The following GAPDH variants were observed in gnomAD, a reference collection of about 807,000 sequenced individuals.
GAPDH encodes the protein OCAS, p38 component.
In GAPDH, 13 loss-of-function variants were observed where a neutral mutation model predicts 31.2. That is an observed-to-expected ratio of 0.42 (90% CI 0.27 to 0.66). GAPDH has a LOEUF of 0.66. Among genes scored for constraint, GAPDH ranks in the 30% least tolerant of loss-of-function variants. The pLI is 0.26. For missense variants in GAPDH, 300 were observed against 443.7 expected (o/e 0.68, Z 2.91); for synonymous variants, 211 against 166.9 (o/e 1.26, Z -2.04).
At chr12:6,535,062 C>T in intron 2 of GAPDH, 1 of 787,372 alleles carries the variant, frequency 1.3e-6, no homozygotes, top group Non-Finnish European at 1.9e-6. Flanking sequence ...CCTTGCGGCG[C>T]CATCTGCCCG....
Position 6,537,305 on chromosome 12 carries a change from G to T in GAPDH, c.444-4G>T. 1.3e-6 allele frequency: 2 copies of T among 1,598,650 alleles called. No homozygotes were observed. On this transcript the variant is annotated splice_polypyrimidine_tract_variant and splice_region_variant and intron_variant, in intron 6 of 8. Coordinates refer to ENST00000229239, the MANE Select transcript of GAPDH (RefSeq NM_002046.7). This position sits in a 1 kb window ranked among gnomAD's most constrained non-coding sequence, Gnocchi z 4.9. ...CTTGCGCCCCGCTCCCTCTTTCTTT[G>T]CAGCAATGCCTCCTGCACCACCAAC...
rs774700281 is a variant in GAPDH, at chr12:6,537,166, C to T, written c.393C>T (p.Phe131=). ...ISAPSADAPM[F]VMGVNHEKYD... ...CCCCCTCTGCTGATGCCCCCATGTT[C>T]GTCATGGGTGTGAACCATGAGAAGT... is the stretch of plus-strand genomic sequence containing the variant. Residue 131 remains phenylalanine, a synonymous_variant, in exon 6 of 9, where the codon TTC becomes TTT. Transcript: ENST00000229239. The surrounding 1 kb of genome is among the most constrained non-coding windows in gnomAD (Gnocchi z 4.9). 7.4e-6 allele frequency: 12 copies of T among 1,613,472 alleles called. No homozygotes were observed. In the South Asian group the frequency reaches 7.7e-5, roughly 10 times the overall value.
rs1421078512 is a variant in GAPDH at position 6,535,388 on chromosome 12, C to CG, written c.29+528dup. The CG allele has an allele frequency of 3.0e-6, 3 of 988,534 alleles. No individual in the cohort carries two copies. In the African/African-American group the frequency reaches 5.2e-5, roughly 17 times the overall value. 61.2% of individuals were successfully genotyped at this position (988,534 alleles called of 1,614,324 possible). On this transcript the variant is annotated intron_variant, in intron 2 of 8. Transcript: ENST00000229239. ...GCTCCTGCCTCGATGGGTGGAGTCG[C>CG]GTGTGGCGGGGAAGTCAGGTGGAGC... is the stretch of plus-strand genomic sequence containing the variant.
rs758911385 is a variant in GAPDH at position 6,536,510 on chromosome 12, C to T, written c.46C>T (p.Arg16Cys). The change falls in exon 3 of 9, where the codon CGC becomes TGC. Residue 16 changes from arginine to cysteine, a missense_variant. Coordinates refer to ENST00000229239, the MANE Select transcript of GAPDH (RefSeq NM_002046.7). Reference protein sequence around the residue: ...VGVNGFGRIGRLVTRAAFNSG... With the variant: ...VGVNGFGRIGCLVTRAAFNSG... ...GTCTCTTAGATTTGGTCGTATTGGG[C>T]GCCTGGTCACCAGGGCTGCTTTTAA... 1.2e-6 allele frequency: 2 copies of T among 1,613,496 alleles called. No homozygotes were observed. The highest frequency in any genetic ancestry group is 1.7e-6 in the Non-Finnish European group (2 of 1,179,738).
Position 6,537,970 on chromosome 12 carries a change from C to A in GAPDH, c.912C>A (p.Asn304Lys). The A allele has an allele frequency of 6.2e-7, 1 of 1,613,688 alleles. No individual in the cohort carries two copies. The highest frequency in any genetic ancestry group is 1.1e-5 in the South Asian group (1 of 91,074). ...ACGCTGGGGCTGGCATTGCCCTCAA[C>A]GACCACTTTGTCAAGCTCATTTCCT... ...TFDAGAGIAL[N>K]DHFVKLISWY... The change falls in exon 8 of 9, where the codon AAC (asparagine) becomes AAA (lysine). Residue 304 changes from asparagine to lysine, a missense_variant. Physicochemically the swap from Asn to Lys is moderately conservative, Grantham distance 94. Coordinates refer to ENST00000229239, the MANE Select transcript of GAPDH (RefSeq NM_002046.7). This position sits in a 1 kb window ranked among gnomAD's most constrained non-coding sequence, Gnocchi z 4.9.
chr12:6,534,939 T>C, intron 2 of GAPDH, 78 bp downstream of exon 2: 1 of 1,495,706 alleles, frequency 6.7e-7, no homozygotes, highest in Non-Finnish European at 9.3e-7. Flanking sequence ...GGGCTCCGGG[T>C]CTTTGCAGTC....
rs562201437 is a variant in GAPDH at position 6,535,733 on chromosome 12, G to A, written c.30-761G>A. Among the ~76,000 whole-genome samples the A allele has an allele frequency of 5.7e-4, 87 of 152,264 alleles. 1 individual carries two copies. The highest frequency in any genetic ancestry group is 3.4e-3 in the Middle Eastern group (1 of 294). On this transcript the variant is annotated intron_variant, in intron 2 of 8. Coordinates refer to ENST00000229239, the MANE Select transcript of GAPDH (RefSeq NM_002046.7). ...ATGTCACCGGGAGGATTGGGTGTCT[G>A]GGCGCCTCGGGGAACCTGCCCTTCT...
rs1441779640 is a variant in GAPDH at position 6,537,509 on chromosome 12, ATTTCC to A, written c.526-70_526-66del. On this transcript the variant is annotated intron_variant, in intron 7 of 8. Transcript: ENST00000229239. This position sits in a 1 kb window ranked among gnomAD's most constrained non-coding sequence, Gnocchi z 4.9. ...GGTTCTGGGGACTGGCTTTCCCATA[ATTTCC>A]TTTCAAGGTGGGGAGGGAGGTAGAG... The A allele has an allele frequency of 9.5e-6, 15 of 1,584,836 alleles. No homozygotes were observed. The highest frequency in any genetic ancestry group is 1.1e-5 in the Non-Finnish European group (13 of 1,162,798).
At chr12:6,534,699 G>C (rs916682773) in intron 1 of GAPDH, 111 bp from the exon 2 acceptor site, 11 of 954,332 alleles carry the variant, frequency 1.2e-5, no homozygotes, top group Non-Finnish European at 1.8e-5. Flanking sequence ...GGGGCGGGCG[G>C]AGGACGTGAT....
chr12:6,534,562 G>GTCGCC lies in GAPDH; in HGVS notation c.-30_-26dup. On this transcript the variant is annotated 5_prime_UTR_variant, in exon 1 of 9. Coordinates refer to ENST00000229239, the MANE Select transcript of GAPDH (RefSeq NM_002046.7). ...GACAGTCAGCCGCATCTTCTTTTGC[G>GTCGCC]TCGCCAGGTGAAGACGGGCGGAGAG... 2 of 525,376 alleles carry GTCGCC rather than the reference G, an allele frequency of 3.8e-6. No individual in the cohort carries two copies. The highest frequency in any genetic ancestry group is 4.2e-5 in the South Asian group (2 of 47,588). 32.5% of individuals were successfully genotyped at this position (525,376 alleles called of 1,614,324 possible).
rs1161670779 is a variant in GAPDH at position 6,536,513 on chromosome 12, C to T, written c.49C>T (p.Leu17=). The change falls in exon 3 of 9, where the codon CTG becomes TTG. Residue 17 remains leucine, a synonymous_variant. Coordinates refer to ENST00000229239, the MANE Select transcript of GAPDH (RefSeq NM_002046.7). ...TCTTAGATTTGGTCGTATTGGGCGC[C>T]TGGTCACCAGGGCTGCTTTTAACTC... ...GVNGFGRIGR[L]VTRAAFNSGK... 6.2e-7 allele frequency: 1 copy of T among 1,613,802 alleles called. No individual in the cohort carries two copies. Among genetic ancestry groups the T allele is most frequent in the South Asian group, 1.1e-5 (1 of 91,082 alleles).
At chr12:6,535,117 C>A in intron 2 of GAPDH, 1 of 842,606 alleles carries the variant, frequency 1.2e-6, no homozygotes, top group South Asian at 2.4e-5. Context: ...TCCCTACTCC[C>A]GCCCGAGATC....
chr12:6,536,669 C>T lies in GAPDH; in HGVS notation c.130-15C>T, dbSNP rs200558636. 35 of 1,608,632 alleles carry T rather than the reference C, an allele frequency of 2.2e-5. No homozygotes were observed. The African/African-American group carries it at 4.3e-4, about 20-fold the overall frequency. ...CTGATGGGCAGCCCCTTCATACCCT[C>T]ACGTATTCCCCCAGGTTTACATGTT... On this transcript the variant is annotated splice_polypyrimidine_tract_variant and intron_variant, in intron 3 of 8. Coordinates refer to ENST00000229239, the MANE Select transcript of GAPDH (RefSeq NM_002046.7).
rs867807529 is a variant in GAPDH, at chr12:6,537,957, G to T, written c.899G>T (p.Gly300Val). Reference sequence around the variant, plus strand: ...TCCTCCACCTTTGACGCTGGGGCTGGCATTGCCCTCAACGACCACTTTGTC... The same window carrying T: ...TCCTCCACCTTTGACGCTGGGGCTGTCATTGCCCTCAACGACCACTTTGTC... ...THSSTFDAGA[G>V]IALNDHFVKL... Residue 300 changes from glycine to valine, a missense_variant, in exon 8 of 9, where the codon GGC becomes GTC. Gly to Val is a moderately radical substitution (Grantham distance 109). Coordinates refer to ENST00000229239, the MANE Select transcript of GAPDH (RefSeq NM_002046.7). The surrounding 1 kb of genome is among the most constrained non-coding windows in gnomAD (Gnocchi z 4.9). 1.9e-6 allele frequency: 3 copies of T among 1,613,906 alleles called. No homozygotes were observed. Among genetic ancestry groups the T allele is most frequent in the Non-Finnish European group, 2.5e-6 (3 of 1,179,856 alleles).
rs1272506893 is a variant in GAPDH, at chr12:6,536,801, G to A, written c.236+11G>A. Reference sequence around the variant, plus strand: ...CACCATCTTCCAGGAGTGAGTGGAAGACAGAATGGAAGAAATGTGCTTTGG... The same window carrying A: ...CACCATCTTCCAGGAGTGAGTGGAAAACAGAATGGAAGAAATGTGCTTTGG... On this transcript the variant is annotated intron_variant, in intron 4 of 8. Transcript: ENST00000229239. 1.2e-6 allele frequency: 2 copies of A among 1,610,048 alleles called. No homozygotes were observed. Among genetic ancestry groups the A allele is most frequent in the Non-Finnish European group, 8.5e-7 (1 of 1,176,322 alleles).
At chr12:6,535,792 C>G (rs41334949) in intron 2 of GAPDH, among the ~76,000 whole-genome samples, 10,588 of 152,222 alleles carry the variant, frequency 0.07, 636 homozygotes, top group African/African-American at 0.16. Flanking sequence ...AGATCTCCCA[C>G]CGCACCCTGG....
Position 6,537,618 on chromosome 12 carries a change from C to T in GAPDH, c.560C>T (p.Thr187Ile), listed in dbSNP as rs1565554625. 1 of 1,611,944 alleles carries T rather than the reference C, an allele frequency of 6.2e-7. No homozygotes were observed. Among genetic ancestry groups the T allele is most frequent in the African/African-American group, 1.3e-5 (1 of 74,998 alleles). ...CATGCCATCACTGCCACCCAGAAGA[C>T]TGTGGATGGCCCCTCCGGGAAACTG... ...TVHAITATQK[T>I]VDGPSGKLWR... is the part of the protein sequence containing the mutation. The change falls in exon 8 of 9, where the codon ACT becomes ATT. Residue 187 changes from threonine to isoleucine, a missense_variant. Transcript: ENST00000229239. The surrounding 1 kb of genome is among the most constrained non-coding windows in gnomAD (Gnocchi z 4.9).
rs116153912 is a variant in GAPDH at position 6,535,501 on chromosome 12, T to C, written c.29+640T>C. 2,206 of 952,716 alleles carry C rather than the reference T, an allele frequency of 2.3e-3. 46 individuals are homozygous for C. In the African/African-American group the frequency reaches 0.033, roughly 14 times the overall value. 59.0% of individuals were successfully genotyped at this position (952,716 alleles called of 1,614,324 possible). On this transcript the variant is annotated intron_variant, in intron 2 of 8. Transcript: ENST00000229239. The stretch of plus-strand genomic sequence containing the variant: ...CAAAGAAGTGGGTTTATGGAGGTCC[T>C]CTTGTGTCCCCTCCCCGCAGAGGTG...
intron 2 of GAPDH, 65 bp downstream of exon 2, chr12:6,534,926 T>C (rs1181156146): frequency 5.7e-6 from 9 of 1,565,556 alleles, no homozygotes; most frequent in Non-Finnish European, 7.9e-6. Context: ...CTACGAGCCT[T>C]GCGGGCTCCG....
Sources: allele counts gnomAD v4.1 joint callset (sites outside exome capture counted in the v4.1 genomes callset), GRCh38; gene constraint gnomAD v4.1.1; non-coding constraint Gnocchi (gnomAD v3.1); transcripts MANE v1.5; gene names NCBI Gene and HGNC (gene_info 2026-07-23, HGNC 2026-07-21).